The following PTPRG variants were observed in gnomAD, a reference collection of about 807,000 sequenced individuals.
PTPRG encodes the protein protein tyrosine phosphatase receptor type G.
PTPRG carries 102 observed loss-of-function variants against 165.3 expected under a neutral mutation model. That is an observed-to-expected ratio of 0.62 (90% CI 0.53 to 0.73). PTPRG has a LOEUF of 0.73. Among genes scored for constraint, PTPRG ranks in the 30% least tolerant of loss-of-function variants. The pLI is 0.00. For missense variants in PTPRG, 1,866 were observed against 1,861.4 expected, an observed-to-expected ratio of 1.00 and a Z score of -0.05; for synonymous variants, 675 against 669.5, an observed-to-expected ratio of 1.01 and a Z score of -0.13.
At chr3:62,288,166 G>A (rs1002292354) in intron 28 of PTPRG, among the ~76,000 whole-genome samples, 1 of 148,902 alleles carries the variant, frequency 6.7e-6, no homozygotes, top group South Asian at 2.1e-4. Context: ...AACAGCCTGT[G>A]TAAACTCTAC....
At chr3:61,668,292 C>T (rs1287037582) in intron 1 of PTPRG, among the ~76,000 whole-genome samples, 1 of 152,080 alleles carries the variant, frequency 6.6e-6, no homozygotes, top group Non-Finnish European at 1.5e-5. Context: ...AATGTGAAAT[C>T]ATTTACAGGA....
intron 2 of PTPRG, among the ~76,000 whole-genome samples, chr3:61,843,591 C>T (rs2036714730): frequency 6.6e-6 from 1 of 152,072 alleles, no homozygotes; most frequent in Non-Finnish European, 1.5e-5. Context: ...TTGGCAGTTC[C>T]TAGATTCTAC....
chr3:61,696,821 A>G (rs902068844), intron 1 of PTPRG, among the ~76,000 whole-genome samples: 12 of 152,204 alleles, frequency 7.9e-5, no homozygotes, highest in Admixed American at 6.5e-4. Flanking sequence ...TCATGCTTCA[A>G]TCTGGTGATG....
intron 2 of PTPRG, among the ~76,000 whole-genome samples, chr3:61,814,335 T>G (rs1575685956): frequency 6.6e-6 from 1 of 152,312 alleles, no homozygotes; most frequent in South Asian, 2.1e-4. Context: ...CTAAAGAGCT[T>G]ATAGTTCATA....
chr3:61,976,821 G>A (rs1177675311), intron 2 of PTPRG, among the ~76,000 whole-genome samples: 8 of 151,622 alleles, frequency 5.3e-5, no homozygotes, highest in African/African-American at 7.3e-5. Context: ...GATTACAGGC[G>A]CCCACCATCA....
chr3:62,028,219 T>A (rs955820517), intron 4 of PTPRG, among the ~76,000 whole-genome samples: 4 of 152,154 alleles, frequency 2.6e-5, no homozygotes, highest in Non-Finnish European at 5.9e-5. Context: ...AAGGTATGCA[T>A]TTTTTTGTCA....
rs1234017497 is a variant in PTPRG, at chr3:61,562,006, C to G, written c.-282C>G. 3.3e-6 allele frequency: 1 copy of G among 306,064 alleles called. No individual in the cohort carries two copies. The highest frequency in any genetic ancestry group is 6.0e-6 in the Non-Finnish European group (1 of 167,624). The allele number at this position is 306,064 out of a possible 1,614,324, so 19.0% of individuals were successfully genotyped here. ...CGCCGCCGGCCGCCGACTCCGCGCCCTGCCCGATCGGCTCTCTCCTTTTTA... is the reference window on the plus strand; with the variant it reads ...CGCCGCCGGCCGCCGACTCCGCGCCGTGCCCGATCGGCTCTCTCCTTTTTA... On this transcript the variant is annotated 5_prime_UTR_variant, in exon 1 of 30. Transcript: ENST00000474889.
intron 2 of PTPRG, among the ~76,000 whole-genome samples, chr3:61,844,667 T>C (rs1179293675): frequency 6.8e-6 from 1 of 146,046 alleles, no homozygotes; most frequent in Non-Finnish European, 1.5e-5. Context: ...GCTTTTTTTT[T>C]TTTTCCCCCT....
chr3:61,716,133 C>G (rs2031796182), intron 1 of PTPRG, among the ~76,000 whole-genome samples: 2 of 152,180 alleles, frequency 1.3e-5, no homozygotes, highest in African/African-American at 4.8e-5. Flanking sequence ...TCCTTTATAA[C>G]TCTTTAGGGA....
intron 16 of PTPRG, among the ~76,000 whole-genome samples, chr3:62,260,316 T>C (rs962441877): frequency 6.6e-5 from 10 of 152,330 alleles, no homozygotes; most frequent in South Asian, 6.2e-4. Context: ...TCTAGAAGTT[T>C]TGTTGCATTA....
At chr3:61,585,690 G>A (rs1380675585) in intron 1 of PTPRG, among the ~76,000 whole-genome samples, 3 of 151,672 alleles carry the variant, frequency 2.0e-5, no homozygotes, top group Non-Finnish European at 4.4e-5. Context: ...AAGGTTGCAG[G>A]GAGCTGAGAT....
chr3:61,678,369 T>C (rs540431390), intron 1 of PTPRG, among the ~76,000 whole-genome samples: 3 of 152,356 alleles, frequency 2.0e-5, no homozygotes, highest in African/African-American at 7.2e-5. Context: ...TTTTACAATG[T>C]CTGGCGTAGT....
chr3:61,827,344 A>G (rs1043489481), intron 2 of PTPRG, among the ~76,000 whole-genome samples: 37 of 152,144 alleles, frequency 2.4e-4, no homozygotes, highest in Non-Finnish European at 1.5e-4. Flanking sequence ...ATGTAATCAG[A>G]TGCACTTTCG....
chr3:61,782,595 T>C (rs60950982), intron 2 of PTPRG, among the ~76,000 whole-genome samples: 12,041 of 152,238 alleles, frequency 0.079, 988 homozygotes, highest in East Asian at 0.45. Context: ...ACTGTGAAGT[T>C]TTAAGGACAA....
At chr3:61,774,448 GA>G (rs1434712743) in intron 2 of PTPRG, among the ~76,000 whole-genome samples, 1 of 152,164 alleles carries the variant, frequency 6.6e-6, no homozygotes, top group Non-Finnish European at 1.5e-5. Flanking sequence ...GTTGGTACTG[GA>G]ACTGTTGCAT....
At chr3:61,943,848 G>A (rs534192326) in intron 2 of PTPRG, among the ~76,000 whole-genome samples, 4 of 152,280 alleles carry the variant, frequency 2.6e-5, no homozygotes, top group Admixed American at 2.0e-4. Flanking sequence ...TAACTAATGG[G>A]ATAGAGGTCA....
At chr3:61,745,210 A>T (rs996359567) in intron 1 of PTPRG, among the ~76,000 whole-genome samples, 10 of 151,708 alleles carry the variant, frequency 6.6e-5, no homozygotes, top group Non-Finnish European at 1.0e-4. Flanking sequence ...CACCATGCCC[A>T]GCTCATTTTT....
At chr3:62,171,602 G>C (rs939309738) in intron 8 of PTPRG, among the ~76,000 whole-genome samples, 3 of 151,964 alleles carry the variant, frequency 2.0e-5, no homozygotes, top group Non-Finnish European at 4.4e-5. Flanking sequence ...GGCAACCTCA[G>C]GTCTGGTTTT....
intron 14 of PTPRG, among the ~76,000 whole-genome samples, chr3:62,238,642 C>T (rs1164647231): frequency 2.0e-5 from 3 of 152,070 alleles, no homozygotes; most frequent in Non-Finnish European, 2.9e-5. Context: ...ATATATACCC[C>T]ACCCTGCACC....
Sources: gnomAD v4.1 joint callset for allele counts (sites outside exome capture counted in the v4.1 genomes callset) on GRCh38, gnomAD v4.1.1 for gene constraint, MANE v1.5 for transcripts, NCBI Gene and HGNC (gene_info 2026-07-23, HGNC 2026-07-21) for gene names.